Variants in RBFOX1 observed in about 807,000 individuals in gnomAD.
RBFOX1 encodes RNA binding fox-1 homolog 1.
A neutral mutation model predicts 57.7 loss-of-function variants in RBFOX1; 8 were observed. The observed-to-expected ratio is 0.14, with a 90% CI of 0.08 to 0.25. RBFOX1 has a LOEUF of 0.25. Among genes scored for constraint, RBFOX1 ranks in the 10% least tolerant of loss-of-function variants. The pLI, the probability that RBFOX1 is intolerant of heterozygous loss-of-function variation, is 1.00. For missense variants in RBFOX1, 611 were observed against 548.5 expected, an observed-to-expected ratio of 1.11 and a Z score of -1.14; for synonymous variants, 326 against 222.4, an observed-to-expected ratio of 1.47 and a Z score of -4.15.
chr16:5,441,492 G>T (rs2068083199), intron 1 of RBFOX1, among the ~76,000 whole-genome samples: 1 of 151,156 alleles, frequency 6.6e-6, no homozygotes. Context: ...AGCCTCCCAA[G>T]TAGCTGGGGT....
chr16:7,368,282 G>C (rs889700378), intron 4 of RBFOX1, among the ~76,000 whole-genome samples: 14 of 150,450 alleles, frequency 9.3e-5, no homozygotes, highest in African/African-American at 3.2e-4. Flanking sequence ...AAAAAAAAGA[G>C]AGAGAAGAAA....
intron 1 of RBFOX1, among the ~76,000 whole-genome samples, chr16:6,278,147 C>T (rs1172467287): frequency 6.6e-6 from 1 of 151,900 alleles, no homozygotes; most frequent in Non-Finnish European, 1.5e-5. Flanking sequence ...TTGTGGAAAG[C>T]CATAAAGAGG....
At chr16:5,534,716 C>A (rs919013290) in intron 2 of RBFOX1, among the ~76,000 whole-genome samples, 2 of 152,140 alleles carry the variant, frequency 1.3e-5, no homozygotes, top group Non-Finnish European at 2.9e-5. Context: ...ACGTGTTAAC[C>A]TTCCCTGGGA....
intron 3 of RBFOX1, among the ~76,000 whole-genome samples, chr16:5,808,120 T>C (rs1597334487): frequency 6.6e-6 from 1 of 152,202 alleles, no homozygotes; most frequent in Non-Finnish European, 1.5e-5. Context: ...AGAATGTGAC[T>C]ATGTATGGAG....
At chr16:5,661,635 A>G (rs533246242) in intron 3 of RBFOX1, among the ~76,000 whole-genome samples, 2 of 152,360 alleles carry the variant, frequency 1.3e-5, no homozygotes, top group African/African-American at 2.4e-5. Context: ...GAGTATGACA[A>G]TCAAATTAAC....
At chr16:7,227,295 CACA>C (rs144526735) in intron 4 of RBFOX1, among the ~76,000 whole-genome samples, 1 of 135,638 alleles carries the variant, frequency 7.4e-6, no homozygotes, top group Admixed American at 7.7e-5. Context: ...ACCCCACCCC[CACA>C]CACACACACA....
At chr16:7,192,484 C>T (rs374119640) in intron 4 of RBFOX1, among the ~76,000 whole-genome samples, 3 of 152,132 alleles carry the variant, frequency 2.0e-5, no homozygotes, top group African/African-American at 7.2e-5. Context: ...AAGTACTTAG[C>T]AAGCACTCTT....
chr16:6,399,125 T>G (rs148729797), intron 2 of RBFOX1, among the ~76,000 whole-genome samples: 457 of 152,340 alleles, frequency 3.0e-3, no homozygotes, highest in Non-Finnish European at 5.0e-3. Context: ...GCCTGAGCTG[T>G]ACCTTGGCCT....
At chr16:6,711,903 G>T (rs2063780184) in intron 3 of RBFOX1, among the ~76,000 whole-genome samples, 1 of 152,108 alleles carries the variant, frequency 6.6e-6, no homozygotes. Flanking sequence ...TTTCAGTGAG[G>T]TATTTTATAT....
At chr16:7,185,349 C>T (rs1177187078) in intron 4 of RBFOX1, among the ~76,000 whole-genome samples, 1 of 152,066 alleles carries the variant, frequency 6.6e-6, no homozygotes, top group South Asian at 2.1e-4. Flanking sequence ...ATCACAGAAT[C>T]TCAGCCATGA....
chr16:5,388,972 A>G (rs1287772199), intron 1 of RBFOX1, among the ~76,000 whole-genome samples: 1 of 151,512 alleles, frequency 6.6e-6, no homozygotes, highest in Non-Finnish European at 1.5e-5. Context: ...TGGGCAGATC[A>G]CGAGGTCAGG....
intron 4 of RBFOX1, among the ~76,000 whole-genome samples, chr16:7,277,534 G>T (rs1024790724): frequency 6.6e-6 from 1 of 152,064 alleles, no homozygotes; most frequent in Non-Finnish European, 1.5e-5. Flanking sequence ...GAACCTAGAT[G>T]TTCATAATCT....
chr16:5,870,847 C>A (rs1021574611), intron 4 of RBFOX1, among the ~76,000 whole-genome samples: 1 of 152,016 alleles, frequency 6.6e-6, no homozygotes, highest in Non-Finnish European at 1.5e-5. Context: ...AGGTCCTTTT[C>A]CTTCTCAAAT....
intron 4 of RBFOX1, among the ~76,000 whole-genome samples, chr16:7,140,834 T>C (rs564253411): frequency 6.6e-6 from 1 of 152,212 alleles, no homozygotes; most frequent in East Asian, 1.9e-4. Flanking sequence ...TCCACACCTC[T>C]TGGCGGACTC....
chr16:5,483,552 C>T (rs1043792999), intron 2 of RBFOX1, among the ~76,000 whole-genome samples: 5 of 152,234 alleles, frequency 3.3e-5, no homozygotes, highest in Non-Finnish European at 7.3e-5. Context: ...CTATCCCAGC[C>T]ACCGTAGCTG....
intron 2 of RBFOX1, among the ~76,000 whole-genome samples, chr16:6,487,729 AT>A: frequency 2.3e-5 from 1 of 44,332 alleles, no homozygotes; most frequent in Non-Finnish European, 4.9e-5. Flanking sequence ...ATATATATAT[AT>A]ATATATATAT....
chr16:6,023,017 CAG>C (rs1281989392), intron 1 of RBFOX1, among the ~76,000 whole-genome samples: 3 of 152,016 alleles, frequency 2.0e-5, no homozygotes, highest in African/African-American at 7.2e-5. Context: ...CTCATAGAAG[CAG>C]AGAGTAGAAG....
chr16:6,223,949 T>G (rs1197642207), intron 1 of RBFOX1, among the ~76,000 whole-genome samples: 2 of 152,222 alleles, frequency 1.3e-5, no homozygotes, highest in Non-Finnish European at 2.9e-5. Flanking sequence ...CACTGTTTAT[T>G]AAATAGGGAC....
At chr16:6,618,923 C>G (rs943499482) in intron 2 of RBFOX1, among the ~76,000 whole-genome samples, 3 of 152,152 alleles carry the variant, frequency 2.0e-5, no homozygotes, top group Admixed American at 1.3e-4. Flanking sequence ...TCCGTAAAAA[C>G]AGAGTCATAG....
Sources: allele counts gnomAD v4.1 joint callset (sites outside exome capture counted in the v4.1 genomes callset), GRCh38; gene constraint gnomAD v4.1.1; transcripts MANE v1.5; gene names NCBI Gene and HGNC (gene_info 2026-07-23, HGNC 2026-07-21).